OPCML: variants seen among roughly 807,000 people sequenced by gnomAD.
The protein encoded by OPCML is opioid binding protein/cell adhesion molecule like.
OPCML carries 13 observed loss-of-function variants against 37.8 expected under a neutral mutation model. The ratio of observed to expected loss-of-function variants is 0.34; its 90% CI spans 0.22 to 0.55. The LOEUF (loss-of-function observed/expected upper bound fraction) is 0.55, where lower values mean the gene tolerates loss of function less well. Ranked by LOEUF, OPCML falls within the 20% of genes least tolerant of loss-of-function variation. The pLI is 0.91. For missense variants in OPCML, 341 were observed against 435.6 expected, an observed-to-expected ratio of 0.78 and a Z score of 1.93; for synonymous variants, 176 against 168.8, an observed-to-expected ratio of 1.04 and a Z score of -0.33.
At chr11:132,631,568 G>A (rs1020711343) in intron 3 of OPCML, among the ~76,000 whole-genome samples, 6 of 150,376 alleles carry the variant, frequency 4.0e-5, no homozygotes, top group African/African-American at 9.8e-5. Flanking sequence ...CACGCCATTC[G>A]CCTGCCTCAG....
chr11:133,438,041 T>C (rs1946281677), intron 1 of OPCML, among the ~76,000 whole-genome samples: 1 of 151,824 alleles, frequency 6.6e-6, no homozygotes, highest in South Asian at 2.1e-4. Flanking sequence ...CAAGAAAGGG[T>C]AGTAATCAAA....
rs1031904387 is a variant in OPCML at position 133,211,356 on chromosome 11, C to A, written c.62-268346G>T. On this transcript the variant is annotated intron_variant, in intron 1 of 7. Coordinates refer to ENST00000524381, the MANE Select transcript of OPCML (RefSeq NM_001012393.5). This position sits in a 1 kb window ranked among gnomAD's most constrained non-coding sequence, Gnocchi z 4.1. ...TCTATTGATTACCTCAGTTATTGAACCCTGGGAAGTTCTGAATCCTCTCCC... is the reference window on the plus strand; with the variant it reads ...TCTATTGATTACCTCAGTTATTGAAACCTGGGAAGTTCTGAATCCTCTCCC... 2.0e-5 allele frequency among the ~76,000 whole-genome samples: 3 copies of A among 152,146 alleles called. No individual in the cohort carries two copies. The highest frequency in any genetic ancestry group is 4.8e-5 in the African/African-American group (2 of 41,432).
chr11:132,770,925 C>T (rs964454204), intron 2 of OPCML, among the ~76,000 whole-genome samples: 1 of 152,162 alleles, frequency 6.6e-6, no homozygotes, highest in African/African-American at 2.4e-5. Context: ...CCTTGATAGA[C>T]CATATGGTCT....
chr11:133,260,204 G>A (rs778442944), intron 1 of OPCML, among the ~76,000 whole-genome samples: 1 of 151,986 alleles, frequency 6.6e-6, no homozygotes, highest in Admixed American at 6.6e-5. Flanking sequence ...GGTGGGAGCC[G>A]TGCATTGGGG....
chr11:132,543,288 G>A (rs1279292452), intron 3 of OPCML, among the ~76,000 whole-genome samples: 2 of 152,126 alleles, frequency 1.3e-5, no homozygotes, highest in African/African-American at 4.8e-5. Flanking sequence ...AATGTGGAAG[G>A]ATTGCTTGAG....
intron 4 of OPCML, among the ~76,000 whole-genome samples, chr11:132,451,743 A>T (rs1324632589): frequency 6.6e-6 from 1 of 152,174 alleles, no homozygotes; most frequent in Non-Finnish European, 1.5e-5. Flanking sequence ...TGGGCCATCC[A>T]TCCCATCAGA....
intron 1 of OPCML, among the ~76,000 whole-genome samples, chr11:133,267,826 C>T (rs969143475): frequency 9.2e-5 from 14 of 152,274 alleles, no homozygotes; most frequent in Admixed American, 7.2e-4. Flanking sequence ...CTCCTGCACA[C>T]GCTCTCTTGC....
At chr11:133,178,437 G>T (rs1435582154) in intron 1 of OPCML, among the ~76,000 whole-genome samples, 2 of 151,150 alleles carry the variant, frequency 1.3e-5, no homozygotes, top group Admixed American at 6.8e-5. Flanking sequence ...TTTCAAATAT[G>T]AATATATATA....
intron 7 of OPCML, among the ~76,000 whole-genome samples, chr11:132,430,582 ACT>A (rs538419014): frequency 3.2e-4 from 49 of 152,064 alleles, no homozygotes; most frequent in South Asian, 2.5e-3. Context: ...TGAGGAAGAA[ACT>A]CTGTGCACAG....
intron 1 of OPCML, among the ~76,000 whole-genome samples, chr11:133,098,154 G>C (rs1286307963): frequency 6.7e-6 from 1 of 150,208 alleles, no homozygotes; most frequent in East Asian, 1.9e-4. Flanking sequence ...ACAATGTACA[G>C]AAAGAAATAT....
intron 3 of OPCML, among the ~76,000 whole-genome samples, chr11:132,548,502 T>G (rs2096374057): frequency 6.6e-6 from 1 of 152,176 alleles, no homozygotes; most frequent in Non-Finnish European, 1.5e-5. Flanking sequence ...TCCCTCTCAA[T>G]TAAATGGCAT....
intron 3 of OPCML, among the ~76,000 whole-genome samples, chr11:132,573,232 CT>C (rs1413391914): frequency 6.6e-6 from 1 of 150,712 alleles, no homozygotes; most frequent in African/African-American, 2.4e-5. Context: ...TTTTTTAAAC[CT>C]TTTTTCTTGT....
intron 1 of OPCML, among the ~76,000 whole-genome samples, chr11:133,312,691 C>G (rs1390483329): frequency 6.6e-6 from 1 of 152,206 alleles, no homozygotes; most frequent in Non-Finnish European, 1.5e-5. Flanking sequence ...ACTTTCCCTT[C>G]TACTACTTGC....
rs554182302 is a variant in OPCML, at chr11:133,073,600, C to T, written c.62-130590G>A. 1.1e-4 allele frequency among the ~76,000 whole-genome samples: 17 copies of T among 152,324 alleles called. No homozygotes were observed. The East Asian group carries it at 3.1e-3, about 28-fold the overall frequency. On this transcript the variant is annotated intron_variant, in intron 1 of 7. Coordinates refer to ENST00000524381, the MANE Select transcript of OPCML (RefSeq NM_001012393.5). ...TCCTTGGGGGTAAGAGTTACATCAG[C>T]TCCATTTACCCCTGAGTTCTCCACG...
chr11:133,022,357 C>T (rs939410601), intron 1 of OPCML, among the ~76,000 whole-genome samples: 3 of 152,184 alleles, frequency 2.0e-5, no homozygotes, highest in African/African-American at 7.2e-5. Flanking sequence ...TTTAACCAAT[C>T]AACACATTAA....
intron 3 of OPCML, among the ~76,000 whole-genome samples, chr11:132,556,493 G>A (rs2096395951): frequency 6.6e-6 from 1 of 152,102 alleles, no homozygotes; most frequent in African/African-American, 2.4e-5. Context: ...AGGAAATTGG[G>A]GTCCAGAGAG....
At chr11:133,179,521 C>T (rs763755563) in intron 1 of OPCML, among the ~76,000 whole-genome samples, 11 of 152,106 alleles carry the variant, frequency 7.2e-5, no homozygotes, top group Admixed American at 2.0e-4. Flanking sequence ...CCAGGGAGAG[C>T]GGCACTCTCT....
chr11:132,525,397 A>T (rs1292624387), intron 4 of OPCML, among the ~76,000 whole-genome samples: 1 of 152,216 alleles, frequency 6.6e-6, no homozygotes, highest in East Asian at 1.9e-4. Context: ...CTGTTTATAG[A>T]TCCCCAAATT....
intron 3 of OPCML, among the ~76,000 whole-genome samples, chr11:132,642,329 C>T (rs1439576262): frequency 6.6e-6 from 1 of 152,108 alleles, no homozygotes; most frequent in Non-Finnish European, 1.5e-5. Context: ...ACATCTTGAA[C>T]ATGAGATTAT....
Sources: allele counts gnomAD v4.1 joint callset (sites outside exome capture counted in the v4.1 genomes callset), GRCh38; gene constraint gnomAD v4.1.1; non-coding constraint Gnocchi (gnomAD v3.1); transcripts MANE v1.5; gene names NCBI Gene and HGNC (gene_info 2026-07-23, HGNC 2026-07-21).